The following KCNH1 variants were observed in gnomAD, a reference collection of about 807,000 sequenced individuals.
KCNH1 encodes potassium voltage-gated channel subfamily H member 1, also known as voltage-gated delayed rectifier potassium channel KCNH1.
Under a neutral mutation model 69.2 loss-of-function variants are expected in KCNH1, and 27 were observed. That is an observed-to-expected ratio of 0.39 (90% CI 0.29 to 0.54). The LOEUF (loss-of-function observed/expected upper bound fraction) is 0.54, where lower values mean the gene tolerates loss of function less well. Ranked by LOEUF, KCNH1 falls within the 20% of genes least tolerant of loss-of-function variation. The pLI is 0.68. For synonymous variants in KCNH1, 456 were observed against 487.7 expected, an observed-to-expected ratio of 0.93 and a Z score of 0.86; for missense variants, 798 against 1,261.6, an observed-to-expected ratio of 0.63 and a Z score of 5.57.
chr1:210,684,517 C>T (rs1376498468), intron 10 of KCNH1, among the ~76,000 whole-genome samples: 1 of 152,228 alleles, frequency 6.6e-6, no homozygotes, highest in Non-Finnish European at 1.5e-5. Flanking sequence ...AATTCAGCAG[C>T]ATCTGATGAG....
Position 211,019,051 on chromosome 1 carries a change from C to T in KCNH1, c.764G>A (p.Ser255Asn), listed in dbSNP as rs772309816. ...QNNVAWLVVD[S>N]IVDVIFLVDI... The stretch of plus-strand genomic sequence containing the variant: ...CACCAAAAAGATAACATCCACGATG[C>T]TATCAACAACCAGCCAGGCCACATT... The change falls in exon 6 of 11, where the codon AGC (serine) becomes AAC (asparagine). Residue 255 changes from serine (S) to asparagine (N), a missense_variant. By Grantham distance (46) the Ser-to-Asn change is conservative (BLOSUM62 1). Coordinates refer to ENST00000271751, the MANE Select transcript of KCNH1 (RefSeq NM_172362.3). 6.2e-7 allele frequency: 1 copy of T among 1,613,994 alleles called. No homozygotes were observed. Among genetic ancestry groups the T allele is most frequent in the Non-Finnish European group, 8.5e-7 (1 of 1,179,940 alleles).
At chr1:211,065,353 G>A (rs1009933443) in intron 5 of KCNH1, among the ~76,000 whole-genome samples, 1 of 152,160 alleles carries the variant, frequency 6.6e-6, no homozygotes, top group African/African-American at 2.4e-5. Context: ...GGAACTGGAG[G>A]ACATTGTGTT....
rs192911204 is a variant in KCNH1, at chr1:210,768,853, G to A, written c.2112+6495C>T. On this transcript the variant is annotated intron_variant, in intron 10 of 10. Transcript: ENST00000271751. ...ATGGGGTTCTGCTAAATGTTCTCGG[G>A]GTACTGGGGAACACCTGAGGACCCA... 6.2e-4 allele frequency among the ~76,000 whole-genome samples: 94 copies of A among 152,060 alleles called. 1 individual carries two copies. In the South Asian group the frequency reaches 9.2e-3, roughly 15 times the overall value.
Position 211,107,382 on chromosome 1 carries a change from T to TA in KCNH1, c.80-6dup, listed in dbSNP as rs56223346. On this transcript the variant is annotated splice_polypyrimidine_tract_variant and splice_region_variant and intron_variant, in intron 1 of 10. Transcript: ENST00000271751. Reference sequence around the variant, plus strand: ...TCCCCAACACAAAATTAGTATCTGTTAAAAAAAAAAAAAAGGGAAAAAAGG... The same window carrying TA: ...TCCCCAACACAAAATTAGTATCTGTTAAAAAAAAAAAAAAAGGGAAAAAAGG... 9.8e-3 allele frequency: 14,225 copies of TA among 1,454,898 alleles called. 177 individuals carry two copies. The highest frequency in any genetic ancestry group is 0.095 in the African/African-American group (6,445 of 67,744). The allele number at this position is 1,454,898 out of a possible 1,614,324, so 90.1% of individuals were successfully genotyped here. A position where few individuals can be genotyped will look rare whatever the true frequency, so the allele number is the denominator to read the frequency against.
chr1:210,901,325 G>A (rs767770852), intron 7 of KCNH1, among the ~76,000 whole-genome samples: 9 of 151,946 alleles, frequency 5.9e-5, no homozygotes, highest in East Asian at 1.9e-4. Context: ...TCCTCTTTCC[G>A]TCTGCACTGC....
At chr1:210,766,517 G>T (rs546651710) in intron 10 of KCNH1, among the ~76,000 whole-genome samples, 3 of 152,060 alleles carry the variant, frequency 2.0e-5, no homozygotes, top group Non-Finnish European at 4.4e-5. Context: ...AAGATTGAGG[G>T]GGGGTGGGGA....
chr1:210,701,762 TC>T (rs775887337), intron 10 of KCNH1, among the ~76,000 whole-genome samples: 2 of 152,212 alleles, frequency 1.3e-5, no homozygotes, highest in Admixed American at 6.5e-5. Flanking sequence ...TCCATTTTTT[TC>T]CCCCAGAGAC....
At chr1:210,736,796 C>G (rs995827243) in intron 10 of KCNH1, among the ~76,000 whole-genome samples, 13 of 152,138 alleles carry the variant, frequency 8.5e-5, no homozygotes, top group Non-Finnish European at 1.8e-4. Context: ...GTTCTGATTA[C>G]CCTCCCAGAT....
chr1:210,753,339 A>G (rs1258356715), intron 10 of KCNH1, among the ~76,000 whole-genome samples: 2 of 152,184 alleles, frequency 1.3e-5, no homozygotes, highest in African/African-American at 4.8e-5. Flanking sequence ...ACTTCTGGAC[A>G]ATACAGGACA....
chr1:210,866,906 C>T (rs1460896824), intron 7 of KCNH1, among the ~76,000 whole-genome samples: 1 of 146,070 alleles, frequency 6.8e-6, no homozygotes, highest in Non-Finnish European at 1.6e-5. Flanking sequence ...GTGGTATAGC[C>T]ATACAATAAA....
rs1310497641 is a variant in KCNH1 at position 210,681,758 on chromosome 1, C to CTAAT, written c.*1519_*1522dup. 1 of 152,254 alleles carries CTAAT rather than the reference C, an allele frequency of 6.6e-6. No homozygotes were observed. Among genetic ancestry groups the CTAAT allele is most frequent in the Non-Finnish European group, 1.5e-5 (1 of 68,080 alleles). The allele number at this position is 152,254 out of a possible 1,614,324, so 9.4% of individuals were successfully genotyped here. ...TAAGTCCATGCTGTCACCTGTACTC[C>CTAAT]TAATTCCATTCCCTCCAAGTTGACT... On this transcript the variant is annotated 3_prime_UTR_variant, in exon 11 of 11. Transcript: ENST00000271751.
intron 10 of KCNH1, among the ~76,000 whole-genome samples, chr1:210,735,112 G>A (rs1303594040): frequency 2.6e-5 from 4 of 152,130 alleles, no homozygotes; most frequent in Non-Finnish European, 5.9e-5. Flanking sequence ...AGGGCTTTGT[G>A]TGTGCTGACT....
intron 10 of KCNH1, among the ~76,000 whole-genome samples, chr1:210,765,737 C>T (rs559247864): frequency 4.7e-4 from 71 of 152,220 alleles, no homozygotes; most frequent in Middle Eastern, 3.4e-3. Flanking sequence ...ATGTCTCTGC[C>T]GATACCATCT....
chr1:211,086,231 A>G (rs1392280471), intron 4 of KCNH1, among the ~76,000 whole-genome samples: 1 of 152,144 alleles, frequency 6.6e-6, no homozygotes, highest in Non-Finnish European at 1.5e-5. Flanking sequence ...CTGGGTTTCC[A>G]ATAGATATAA....
intron 7 of KCNH1, among the ~76,000 whole-genome samples, chr1:210,864,714 T>A (rs563866092): frequency 6.6e-6 from 1 of 152,272 alleles, no homozygotes; most frequent in South Asian, 2.1e-4. Flanking sequence ...CAACTAGCAT[T>A]TTACTATGTT....
chr1:211,055,517 G>C (rs1193957337), intron 5 of KCNH1, among the ~76,000 whole-genome samples: 2 of 152,216 alleles, frequency 1.3e-5, no homozygotes, highest in East Asian at 3.8e-4. Context: ...GGCAAGTCCT[G>C]GTGCTGTGCT....
chr1:210,789,052 T>C (rs1045188373), intron 9 of KCNH1, among the ~76,000 whole-genome samples: 23 of 152,198 alleles, frequency 1.5e-4, no homozygotes, highest in Admixed American at 5.2e-4. Context: ...GGAACAGCTG[T>C]ATGAGTATTA....
Position 210,762,157 on chromosome 1 carries a change from T to TA in KCNH1, c.2112+13190dup, listed in dbSNP as rs112813536. On this transcript the variant is annotated intron_variant, in intron 10 of 10. Coordinates refer to ENST00000271751, the MANE Select transcript of KCNH1 (RefSeq NM_172362.3). ...TAAAAAACAAAATTAAGGCAGAAAT[T>TA]AAAAAAAAATTCTTCGAAACAAATG... Among the ~76,000 whole-genome samples the TA allele has an allele frequency of 1.3e-3, 198 of 151,244 alleles. 1 individual carries two copies. The highest frequency in any genetic ancestry group is 4.2e-3 in the African/African-American group (175 of 41,264).
At chr1:210,851,128 A>G (rs1038066549) in intron 7 of KCNH1, among the ~76,000 whole-genome samples, 1 of 152,226 alleles carries the variant, frequency 6.6e-6, no homozygotes, top group Non-Finnish European at 1.5e-5. Context: ...TTTCTCTCTG[A>G]GTTGACTAAA....
Sources: gnomAD v4.1 joint callset for allele counts (sites outside exome capture counted in the v4.1 genomes callset) on GRCh38, gnomAD v4.1.1 for gene constraint, MANE v1.5 for transcripts, NCBI Gene and HGNC (gene_info 2026-07-23, HGNC 2026-07-21) for gene names.